Variants in PHACTR2 observed in about 807,000 individuals in gnomAD.
PHACTR2 encodes chromosome 6 open reading frame 56.
PHACTR2 carries 30 observed loss-of-function variants against 76.0 expected under a neutral mutation model. The observed-to-expected ratio is 0.39, with a 90% CI of 0.30 to 0.54. PHACTR2 has a LOEUF of 0.54. PHACTR2 is among the 20% of genes least tolerant of loss of function. The probability of loss-of-function intolerance (pLI) is 0.61; values close to 1 mark genes in which losing one functional copy is unlikely to be tolerated. For missense variants in PHACTR2, 696 were observed against 781.1 expected, an observed-to-expected ratio of 0.89 and a Z score of 1.30; for synonymous variants, 292 against 292.5, an observed-to-expected ratio of 1.00 and a Z score of 0.02.
rs995833122 is a variant in PHACTR2, at chr6:143,743,915, T to C, written c.215-5070T>C. On this transcript the variant is annotated intron_variant, in intron 2 of 12. Coordinates refer to ENST00000440869, the MANE Select transcript of PHACTR2 (RefSeq NM_001100164.2). This position sits in a 1 kb window ranked among gnomAD's most constrained non-coding sequence, Gnocchi z 5.0. ...ACTACAAGATTTACTCTCACAGATA[T>C]TTCCAGAGTAATATGAAATCCCAGC... 6.6e-6 allele frequency among the ~76,000 whole-genome samples: 1 copy of C among 152,218 alleles called. No individual in the cohort carries two copies. Among genetic ancestry groups the C allele is most frequent in the Non-Finnish European group, 1.5e-5 (1 of 68,034 alleles).
intron 2 of PHACTR2, among the ~76,000 whole-genome samples, chr6:143,726,066 C>G (rs1778562107): frequency 6.6e-6 from 1 of 152,166 alleles, no homozygotes; most frequent in African/African-American, 2.4e-5. Flanking sequence ...TATAAACATT[C>G]TTGTGTACAT....
In PHACTR2 at chr6:143,541,635, C is replaced by A. The variant is rs1019455396; in HGVS notation, c.217+4428C>A. Reference sequence around the variant, plus strand: ...GTATATATAGGCATAGGGGTAACAGCAAATCCAGGATCTTTTTCTCAAATC... The same window carrying A: ...GTATATATAGGCATAGGGGTAACAGAAAATCCAGGATCTTTTTCTCAAATC... On this transcript the variant is annotated intron_variant, in intron 1 of 11. Transcript: ENST00000367584. The surrounding 1 kb of genome is among the most constrained non-coding windows in gnomAD (Gnocchi z 5.3). Among the ~76,000 whole-genome samples, 10 of 152,194 alleles carry A rather than the reference C, an allele frequency of 6.6e-5. No homozygotes were observed. The highest frequency in any genetic ancestry group is 2.2e-4 in the African/African-American group (9 of 41,440).
Position 143,780,429 on chromosome 6 carries a change from T to C in PHACTR2, c.1646-2790T>C, listed in dbSNP as rs985478404. On this transcript the variant is annotated intron_variant, in intron 9 of 12. Transcript: ENST00000440869. The surrounding 1 kb of genome is among the most constrained non-coding windows in gnomAD (Gnocchi z 4.4). The stretch of plus-strand genomic sequence containing the variant: ...GAGTTTGAGACCAGCCTGGGCAATA[T>C]AGTGAGATCTCATCTCCACCAAAAA... Among the ~76,000 whole-genome samples the C allele has an allele frequency of 6.6e-5, 10 of 152,124 alleles. No individual in the cohort carries two copies. The highest frequency in any genetic ancestry group is 2.4e-4 in the African/African-American group (10 of 41,418).
At chr6:143,796,980 C>T (rs1289498991) in intron 11 of PHACTR2, among the ~76,000 whole-genome samples, 5 of 152,130 alleles carry the variant, frequency 3.3e-5, no homozygotes, top group Admixed American at 2.6e-4. Flanking sequence ...CTTGAGGAAT[C>T]GCCACACTGT....
rs1387422170 is a variant in PHACTR2 at position 143,746,836 on chromosome 6, A to T, written c.215-2149A>T. Among the ~76,000 whole-genome samples, 3 of 105,000 alleles carry T rather than the reference A, an allele frequency of 2.9e-5. No individual in the cohort carries two copies. In the Admixed American group the frequency reaches 3.2e-4, roughly 11 times the overall value. 68.9% of individuals were successfully genotyped at this position (105,000 alleles called of 152,430 possible). A position where few individuals can be genotyped will look rare whatever the true frequency, so the allele number is the denominator to read the frequency against. On this transcript the variant is annotated intron_variant, in intron 2 of 12. Transcript: ENST00000440869. Reference sequence around the variant, plus strand: ...TTTTACATAATAGAACACCCAGTTTAAAAAAAAAAAAAAGACTCTTTGCCC... The same window carrying T: ...TTTTACATAATAGAACACCCAGTTTTAAAAAAAAAAAAAGACTCTTTGCCC...
At position 143,581,405 on chromosome 6, in the gene PHACTR2, A is replaced by C. The variant is rs1253325889; in HGVS notation, c.217+44198A>C. Among the ~76,000 whole-genome samples, 1 of 152,036 alleles carries C rather than the reference A, an allele frequency of 6.6e-6. No individual in the cohort carries two copies. On this transcript the variant is annotated intron_variant, in intron 1 of 11. Coordinates refer to the PHACTR2 transcript ENST00000367584. This position sits in a 1 kb window ranked among gnomAD's most constrained non-coding sequence, Gnocchi z 4.5. ...GAGCTGACAGATGTGCTGGAAGAGC[A>C]CAAGGAACCCACCAGTCAGGCATGA...
intron 1 of PHACTR2, among the ~76,000 whole-genome samples, chr6:143,690,608 C>T (rs1220159969): frequency 2.0e-5 from 3 of 152,210 alleles, no homozygotes; most frequent in African/African-American, 7.2e-5. Flanking sequence ...TGCCATCCCT[C>T]CCAATTAATC....
rs751029507 is a variant in PHACTR2 at position 143,823,669 on chromosome 6, T to A, written c.1923-5T>A. On this transcript the variant is annotated splice_region_variant and splice_polypyrimidine_tract_variant and intron_variant, in intron 12 of 12. Coordinates refer to ENST00000440869, the MANE Select transcript of PHACTR2 (RefSeq NM_001100164.2). The surrounding 1 kb of genome is among the most constrained non-coding windows in gnomAD (Gnocchi z 5.7). ...CAGGCTTATAGTTTCTATTTCTTACTCCAGGTTTCATCGTCCATAACGAAG... is the reference window on the plus strand; with the variant it reads ...CAGGCTTATAGTTTCTATTTCTTACACCAGGTTTCATCGTCCATAACGAAG... 2.5e-6 allele frequency: 4 copies of A among 1,611,196 alleles called. No homozygotes were observed. The highest frequency in any genetic ancestry group is 2.5e-6 in the Non-Finnish European group (3 of 1,177,430).
Position 143,616,966 on chromosome 6 carries a change from G to A in PHACTR2, c.13+8644G>A, listed in dbSNP as rs1776068297. Reference sequence around the variant, plus strand: ...AAGGCCAGTGTGTCTGGGGCCTGATGAGAGGTAGGGGCCTCAGACCAATCA... The same window carrying A: ...AAGGCCAGTGTGTCTGGGGCCTGATAAGAGGTAGGGGCCTCAGACCAATCA... On this transcript the variant is annotated intron_variant, in intron 1 of 11. Transcript: ENST00000305766. The surrounding 1 kb of genome is among the most constrained non-coding windows in gnomAD (Gnocchi z 4.9). Among the ~76,000 whole-genome samples, 1 of 152,192 alleles carries A rather than the reference G, an allele frequency of 6.6e-6. No homozygotes were observed. The highest frequency in any genetic ancestry group is 1.5e-5 in the Non-Finnish European group (1 of 68,038).
rs113438509 is a variant in PHACTR2, at chr6:143,730,336, G to C, written c.214+18153G>C. Among the ~76,000 whole-genome samples the C allele has an allele frequency of 0.019, 2,858 of 152,014 alleles. 80 individuals are homozygous for C. The highest frequency in any genetic ancestry group is 0.066 in the African/African-American group (2,721 of 41,472). ...ACTGGTATGCCTCTCCATTTGATTA[G>C]CTTTTCCATTTTTTTATTAGCTTTT... On this transcript the variant is annotated intron_variant, in intron 2 of 12. Coordinates refer to ENST00000440869, the MANE Select transcript of PHACTR2 (RefSeq NM_001100164.2). This position sits in a 1 kb window ranked among gnomAD's most constrained non-coding sequence, Gnocchi z 4.8.
rs953812150 is a variant in PHACTR2 at position 143,659,645 on chromosome 6, G to A, written c.13+51323G>A. On this transcript the variant is annotated intron_variant, in intron 1 of 11. Coordinates refer to the PHACTR2 transcript ENST00000305766. The surrounding 1 kb of genome is among the most constrained non-coding windows in gnomAD (Gnocchi z 5.0). ...GCCAGTGTCCCCTAGCAAGACAGACGTGCCCTCTCAGGGGGAGGGGATCAC... is the reference window on the plus strand; with the variant it reads ...GCCAGTGTCCCCTAGCAAGACAGACATGCCCTCTCAGGGGGAGGGGATCAC... Among the ~76,000 whole-genome samples, 1 of 152,200 alleles carries A rather than the reference G, an allele frequency of 6.6e-6. No individual in the cohort carries two copies. The highest frequency in any genetic ancestry group is 1.5e-5 in the Non-Finnish European group (1 of 68,038).
chr6:143,685,548 G>A (rs968194094), intron 1 of PHACTR2, among the ~76,000 whole-genome samples: 3 of 151,872 alleles, frequency 2.0e-5, no homozygotes, highest in Non-Finnish European at 1.5e-5. Context: ...ACGTTCATCC[G>A]GGGTAACTAA....
chr6:143,686,057 G>A (rs962440757), intron 1 of PHACTR2, among the ~76,000 whole-genome samples: 4 of 151,726 alleles, frequency 2.6e-5, no homozygotes, highest in Non-Finnish European at 2.9e-5. Flanking sequence ...GCTTGAACTC[G>A]GGAGGCGAAG....
At position 143,669,810 on chromosome 6, in the gene PHACTR2, C is replaced by T. The variant is rs142737133; in HGVS notation, c.14-42206C>T. On this transcript the variant is annotated intron_variant, in intron 1 of 11. Coordinates refer to the PHACTR2 transcript ENST00000305766. ...AAGTCTTGGCTCTTTATCCAACTTGCCAATCTGTGTCTTTTAATTGGGGCA... is the reference window on the plus strand; with the variant it reads ...AAGTCTTGGCTCTTTATCCAACTTGTCAATCTGTGTCTTTTAATTGGGGCA... Among the ~76,000 whole-genome samples, 669 of 152,062 alleles carry T rather than the reference C, an allele frequency of 4.4e-3. 3 individuals carry two copies. Among genetic ancestry groups the T allele is most frequent in the Non-Finnish European group, 7.0e-3 (477 of 67,984 alleles).
chr6:143,712,951 A>C lies in PHACTR2; in HGVS notation c.214+768A>C, dbSNP rs77963911. On this transcript the variant is annotated intron_variant, in intron 2 of 12. Coordinates refer to ENST00000440869, the MANE Select transcript of PHACTR2 (RefSeq NM_001100164.2). ...GCCAGAATTCAGCCCAATTTAAACA[A>C]GTGTTAGTGTGAGTGTATTGTGTCT... is the stretch of plus-strand genomic sequence containing the variant. Among the ~76,000 whole-genome samples, 1,198 of 152,342 alleles carry C rather than the reference A, an allele frequency of 7.9e-3. 18 individuals carry two copies. The highest frequency in any genetic ancestry group is 0.027 in the African/African-American group (1,104 of 41,576).
chr6:143,562,031 T>G lies in PHACTR2; in HGVS notation c.217+24824T>G, dbSNP rs1194357067. 1 of 152,176 alleles carries G rather than the reference T, an allele frequency of 6.6e-6. No homozygotes were observed. Among genetic ancestry groups the G allele is most frequent in the Non-Finnish European group, 1.5e-5 (1 of 68,028 alleles). The allele number at this position is 152,176 out of a possible 1,614,324, so 9.4% of individuals were successfully genotyped here. On this transcript the variant is annotated intron_variant, in intron 1 of 11. Coordinates refer to the PHACTR2 transcript ENST00000367584. This position sits in a 1 kb window ranked among gnomAD's most constrained non-coding sequence, Gnocchi z 5.1. ...TCTCTTCTTCATCTGACGCAGAGCTTCTGCTCATTCTTCAAAACCCTAGTC... is the reference window on the plus strand; with the variant it reads ...TCTCTTCTTCATCTGACGCAGAGCTGCTGCTCATTCTTCAAAACCCTAGTC...
intron 1 of PHACTR2, among the ~76,000 whole-genome samples, chr6:143,686,871 T>G (rs868039371): frequency 6.6e-6 from 1 of 152,176 alleles, no homozygotes; most frequent in African/African-American, 2.4e-5. Context: ...CCATATCCAC[T>G]GTCCACCTGG....
intron 1 of PHACTR2, among the ~76,000 whole-genome samples, chr6:143,638,210 G>T (rs558917186): frequency 1.3e-5 from 2 of 152,208 alleles, no homozygotes; most frequent in South Asian, 2.1e-4. Context: ...AGCTTGATTG[G>T]CAGTTACAAA....
At chr6:143,564,923 C>T (rs1327696676) in intron 1 of PHACTR2, among the ~76,000 whole-genome samples, 1 of 152,116 alleles carries the variant, frequency 6.6e-6, no homozygotes, top group African/African-American at 2.4e-5. Context: ...AGATGCTCCC[C>T]TTTTCTACAA....
Sources: allele counts gnomAD v4.1 joint callset (sites outside exome capture counted in the v4.1 genomes callset), GRCh38; gene constraint gnomAD v4.1.1; non-coding constraint Gnocchi (gnomAD v3.1); transcripts MANE v1.5; gene names NCBI Gene and HGNC (gene_info 2026-07-23, HGNC 2026-07-21).